Variants in TENM3 observed in about 807,000 individuals in gnomAD.
TENM3 encodes the protein teneurin transmembrane protein 3, also known as teneurin-3.
A neutral mutation model predicts 255.1 loss-of-function variants in TENM3; 63 were observed. The observed-to-expected ratio is 0.25, with a 90% CI of 0.20 to 0.30. The LOEUF is 0.30. Ranked by LOEUF, TENM3 falls within the 10% of genes least tolerant of loss-of-function variation. The pLI is 1.00. For missense variants in TENM3, 2,929 were observed against 3,461.1 expected, an observed-to-expected ratio of 0.85 and a Z score of 3.86; for synonymous variants, 1,306 against 1,322.3, an observed-to-expected ratio of 0.99 and a Z score of 0.27.
Position 182,715,580 on chromosome 4 carries a change from C to T in TENM3, c.2368+1347C>T, listed in dbSNP as rs184299597. On this transcript the variant is annotated intron_variant, in intron 13 of 27. Transcript: ENST00000511685. The stretch of plus-strand genomic sequence containing the variant: ...TAGCAGCTATTATTATCCAGTTTCC[C>T]TTCTTTGCTTTCAAAAGTGCTCATC... Among the ~76,000 whole-genome samples, 8 of 152,320 alleles carry T rather than the reference C, an allele frequency of 5.3e-5. No individual in the cohort carries two copies. In the East Asian group the frequency reaches 1.5e-3, roughly 29 times the overall value.
the TENM3 span, among the ~76,000 whole-genome samples, chr4:181,458,353 A>G: frequency 1.3e-5 from 2 of 151,300 alleles, no homozygotes; most frequent in Non-Finnish European, 3.0e-5. Flanking sequence ...TTTAGGTCAC[A>G]ATTTGCATTT....
intron 3 of TENM3, among the ~76,000 whole-genome samples, chr4:182,540,877 G>A (rs1404144519): frequency 6.6e-6 from 1 of 152,166 alleles, no homozygotes; most frequent in Non-Finnish European, 1.5e-5. Context: ...GGATCAGGGA[G>A]GATTTCCCTG....
chr4:182,440,274 G>C (rs908588240), intron 3 of TENM3, among the ~76,000 whole-genome samples: 1 of 151,936 alleles, frequency 6.6e-6, no homozygotes, highest in African/African-American at 2.4e-5. Flanking sequence ...ACCACGCCCA[G>C]CTAATTTTTT....
Position 182,362,573 on chromosome 4 carries a change from G to A in TENM3, c.511+15644G>A, listed in dbSNP as rs1280590595. ...GGTGCGCCGTTTTTTTAAGCCCGTC[G>A]GAAAAGCTCAGTACTCGGGTGGGAG... On this transcript the variant is annotated intron_variant, in intron 3 of 27. Transcript: ENST00000511685. Among the ~76,000 whole-genome samples, 8 of 152,274 alleles carry A rather than the reference G, an allele frequency of 5.3e-5. No homozygotes were observed. The East Asian group carries it at 7.7e-4, about 15-fold the overall frequency.
chr4:181,987,791 T>C, the TENM3 span, among the ~76,000 whole-genome samples: 1 of 149,610 alleles, frequency 6.7e-6, no homozygotes, highest in Non-Finnish European at 1.5e-5. Flanking sequence ...TAGAGAGAGA[T>C]ATCTTTTCTT....
Position 182,377,308 on chromosome 4 carries a change from T to C in TENM3, c.511+30379T>C, listed in dbSNP as rs567331368. On this transcript the variant is annotated intron_variant, in intron 3 of 27. Transcript: ENST00000511685. Reference sequence around the variant, plus strand: ...CACATAAAGCCACATTTTGTATTTATTTATTCATTTATTTATTTATTTTGA... The same window carrying C: ...CACATAAAGCCACATTTTGTATTTACTTATTCATTTATTTATTTATTTTGA... Among the ~76,000 whole-genome samples, 152 of 152,224 alleles carry C rather than the reference T, an allele frequency of 1.0e-3. 3 individuals are homozygous for C. The South Asian group carries it at 0.031, about 31-fold the overall frequency.
the TENM3 span, among the ~76,000 whole-genome samples, chr4:181,668,055 T>C: frequency 6.6e-6 from 1 of 152,194 alleles, no homozygotes; most frequent in African/African-American, 2.4e-5. Flanking sequence ...CAAGAATTTT[T>C]ATCTGTATGA....
the TENM3 span, among the ~76,000 whole-genome samples, chr4:181,605,572 G>GAA: frequency 9.7e-3 from 194 of 19,954 alleles, 15 homozygotes; most frequent in Middle Eastern, 0.067. Flanking sequence ...GAAAGAAAGA[G>GAA]AGAGAAAGAA....
In TENM3 at chr4:182,745,639, A is replaced by C. The variant is rs192539796; in HGVS notation, c.3629+2220A>C. 3.3e-5 allele frequency among the ~76,000 whole-genome samples: 5 copies of C among 152,268 alleles called. No homozygotes were observed. The East Asian group carries it at 9.7e-4, about 29-fold the overall frequency. On this transcript the variant is annotated intron_variant, in intron 19 of 27. Coordinates refer to ENST00000511685, the MANE Select transcript of TENM3 (RefSeq NM_001080477.4). ...TCTTCCCCAAAATACATATCTAAGA[A>C]ATGGGTAGCAGACAGTTAAACCACT...
chr4:182,045,656 T>G, the TENM3 span, among the ~76,000 whole-genome samples: 5,300 of 152,084 alleles, frequency 0.035, 328 homozygotes, highest in African/African-American at 0.12. Flanking sequence ...GGCAGAGAGG[T>G]TGTTGGCAAA....
rs1755958028 is a variant in TENM3 at position 182,679,609 on chromosome 4, AAGAG to A, written c.1327-53_1327-50del. 7.3e-6 allele frequency: 10 copies of A among 1,377,238 alleles called. No homozygotes were observed. The South Asian group carries it at 8.8e-5, about 12-fold the overall frequency. The allele number at this position is 1,377,238 out of a possible 1,614,324, so 85.3% of individuals were successfully genotyped here. On this transcript the variant is annotated intron_variant, in intron 7 of 27. Coordinates refer to ENST00000511685, the MANE Select transcript of TENM3 (RefSeq NM_001080477.4). ...AAGACAGATTGAAGAGAAAAAAAAA[AAGAG>A]AGAAGCAGCCACCCTTTATCTTTCT...
chr4:182,535,968 A>C (rs181003646), intron 3 of TENM3, among the ~76,000 whole-genome samples: 1 of 152,168 alleles, frequency 6.6e-6, no homozygotes, highest in Admixed American at 6.5e-5. Context: ...ATTTTATTTT[A>C]TATTTAGATT....
At chr4:182,603,265 GC>G (rs1748070862) in intron 4 of TENM3, among the ~76,000 whole-genome samples, 1 of 152,052 alleles carries the variant, frequency 6.6e-6, no homozygotes, top group South Asian at 2.1e-4. Flanking sequence ...TCAAAGTAAT[GC>G]CATTAATGAA....
At chr4:182,782,290 T>A (rs1367372615) in intron 24 of TENM3, among the ~76,000 whole-genome samples, 1 of 118,838 alleles carries the variant, frequency 8.4e-6, no homozygotes, top group Non-Finnish European at 1.6e-5. Flanking sequence ...ACATCTTTAT[T>A]TCTGCCTTCA....
chr4:182,747,112 A>G (rs1037869126), intron 19 of TENM3, among the ~76,000 whole-genome samples: 1 of 152,186 alleles, frequency 6.6e-6, no homozygotes, highest in Non-Finnish European at 1.5e-5. Flanking sequence ...AGGCTTAGGA[A>G]CAGGTCATAG....
At chr4:182,732,613 C>G (rs370151583) in intron 16 of TENM3, among the ~76,000 whole-genome samples, 1 of 152,080 alleles carries the variant, frequency 6.6e-6, no homozygotes, top group African/African-American at 2.4e-5. Flanking sequence ...ATGGATCGAG[C>G]CCAGGAATTT....
At chr4:181,514,908 A>C in the TENM3 span, among the ~76,000 whole-genome samples, 1 of 152,232 alleles carries the variant, frequency 6.6e-6, no homozygotes, top group Admixed American at 6.5e-5. Flanking sequence ...ACCTTGGAAC[A>C]GACTTGTGAG....
chr4:182,083,078 A>G, the TENM3 span, among the ~76,000 whole-genome samples: 10 of 152,256 alleles, frequency 6.6e-5, no homozygotes, highest in Admixed American at 2.0e-4. Flanking sequence ...AAATGAAAGC[A>G]TAAGGAAATT....
At chr4:182,030,815 C>T in the TENM3 span, among the ~76,000 whole-genome samples, 2 of 152,128 alleles carry the variant, frequency 1.3e-5, no homozygotes, top group Non-Finnish European at 2.9e-5. Context: ...TGACGTTGAG[C>T]GTTTTTTTAT....
Sources: gnomAD v4.1 joint callset for allele counts (sites outside exome capture counted in the v4.1 genomes callset) on GRCh38, gnomAD v4.1.1 for gene constraint, MANE v1.5 for transcripts, NCBI Gene and HGNC (gene_info 2026-07-23, HGNC 2026-07-21) for gene names.